Variants in MDGA2 observed in about 807,000 individuals in gnomAD.
MDGA2 encodes the protein MAM domain containing glycosylphosphatidylinositol anchor 2.
Under a neutral mutation model 117.8 loss-of-function variants are expected in MDGA2, and 40 were observed. The ratio of observed to expected loss-of-function variants is 0.34; its 90% CI spans 0.26 to 0.44. The LOEUF is 0.44. MDGA2 is among the 20% of genes least tolerant of loss of function. The pLI, the probability that MDGA2 is intolerant of heterozygous loss-of-function variation, is 1.00. For synonymous variants in MDGA2, 452 were observed against 439.0 expected, an observed-to-expected ratio of 1.03 and a Z score of -0.37; for missense variants, 1,123 against 1,250.6, an observed-to-expected ratio of 0.90 and a Z score of 1.54.
At chr14:47,566,080 G>C (rs1464859063) in intron 1 of MDGA2, among the ~76,000 whole-genome samples, 1 of 152,216 alleles carries the variant, frequency 6.6e-6, no homozygotes, top group Non-Finnish European at 1.5e-5. Flanking sequence ...GGAGAGGCAA[G>C]GTTTGCCTGC....
intron 3 of MDGA2, among the ~76,000 whole-genome samples, chr14:47,165,121 G>C (rs1883814384): frequency 6.6e-6 from 1 of 152,110 alleles, no homozygotes; most frequent in Admixed American, 6.5e-5. Flanking sequence ...GCAGGGGGTA[G>C]GGATAGCATT....
intron 3 of MDGA2, 58 bp downstream of exon 3, chr14:47,217,963 G>C (rs544120233): frequency 3.5e-5 from 48 of 1,356,120 alleles, no homozygotes; most frequent in Non-Finnish European, 4.4e-5. Flanking sequence ...CCATAGACTT[G>C]TAAGACAAAA....
chr14:47,124,743 A>C (rs1267886405), intron 5 of MDGA2, among the ~76,000 whole-genome samples: 1 of 152,064 alleles, frequency 6.6e-6, no homozygotes, highest in Admixed American at 6.6e-5. Flanking sequence ...TGTTTGGGAC[A>C]CTAGAGGAAG....
intron 3 of MDGA2, among the ~76,000 whole-genome samples, chr14:47,204,723 T>A (rs550822288): frequency 4.5e-4 from 68 of 152,106 alleles, no homozygotes; most frequent in African/African-American, 1.5e-3. Context: ...TTATTCACTA[T>A]GTTATTAATA....
At chr14:46,900,772 A>T (rs1345214244) in intron 10 of MDGA2, among the ~76,000 whole-genome samples, 1 of 152,158 alleles carries the variant, frequency 6.6e-6, no homozygotes, top group Non-Finnish European at 1.5e-5. Context: ...CATTATGGTT[A>T]CACAAAGCTA....
intron 2 of MDGA2, among the ~76,000 whole-genome samples, chr14:47,267,164 A>G (rs755070593): frequency 1.3e-5 from 2 of 152,146 alleles, no homozygotes; most frequent in African/African-American, 4.8e-5. Context: ...GGAAAAGGGA[A>G]ATGACACAGT....
rs71448198 is a variant in MDGA2, at chr14:47,359,748, C to CAAAAA, written c.281-58203_281-58199dup. Among the ~76,000 whole-genome samples the CAAAAA allele has an allele frequency of 1.9e-4, 21 of 110,470 alleles. 1 individual carries two copies. The highest frequency in any genetic ancestry group is 6.3e-4 in the South Asian group (2 of 3,186). 72.5% of individuals were successfully genotyped at this position (110,470 alleles called of 152,430 possible). A position where few individuals can be genotyped will look rare whatever the true frequency, so the allele number is the denominator to read the frequency against. On this transcript the variant is annotated intron_variant, in intron 1 of 16. Coordinates refer to ENST00000399232, the MANE Select transcript of MDGA2 (RefSeq NM_001113498.3). ...CCTGGACTGCAGAGCAAGACTGTCT[C>CAAAAA]AAAAAAAAAAAAAAAAAAGAAAAGA... is the stretch of plus-strand genomic sequence containing the variant.
At chr14:47,501,677 T>C (rs959920981) in intron 1 of MDGA2, among the ~76,000 whole-genome samples, 5 of 152,138 alleles carry the variant, frequency 3.3e-5, no homozygotes, top group African/African-American at 1.2e-4. Context: ...AAGGGAAAGA[T>C]CTGGATACAA....
intron 1 of MDGA2, among the ~76,000 whole-genome samples, chr14:47,447,146 T>G (rs551265767): frequency 6.6e-6 from 1 of 152,288 alleles, no homozygotes; most frequent in Admixed American, 6.5e-5. Context: ...ATGCTAAATA[T>G]CACCATTTTA....
chr14:47,061,651 C>T, intron 6 of MDGA2, 73 bp from the exon 7 acceptor site: 1 of 1,182,454 alleles, frequency 8.5e-7, no homozygotes, highest in Non-Finnish European at 1.2e-6. Context: ...TGTAGATAAT[C>T]ATCTCTGAGC....
At chr14:47,092,725 T>A (rs1031176720) in intron 6 of MDGA2, among the ~76,000 whole-genome samples, 1 of 152,044 alleles carries the variant, frequency 6.6e-6, no homozygotes, top group Non-Finnish European at 1.5e-5. Flanking sequence ...GCTCTCATAG[T>A]CTATTGGTAA....
At chr14:47,649,685 AAAAAC>A (rs56177749) in intron 1 of MDGA2, among the ~76,000 whole-genome samples, 77,163 of 150,192 alleles carry the variant, frequency 0.51, 20,346 homozygotes, top group East Asian at 0.65. Flanking sequence ...GCTTCATCTC[AAAAAC>A]AAAACAAAAC....
intron 3 of MDGA2, among the ~76,000 whole-genome samples, chr14:47,158,418 T>G (rs1251202439): frequency 6.6e-6 from 1 of 151,588 alleles, no homozygotes; most frequent in Non-Finnish European, 1.5e-5. Context: ...GCATATAATG[T>G]ATACAGATTT....
chr14:47,593,712 AC>A (rs1165078100), intron 1 of MDGA2, among the ~76,000 whole-genome samples: 1 of 151,910 alleles, frequency 6.6e-6, no homozygotes, highest in African/African-American at 2.4e-5. Flanking sequence ...AACAACACAC[AC>A]TAGGGCCTGT....
At chr14:47,654,406 C>T (rs1461889876) in intron 1 of MDGA2, among the ~76,000 whole-genome samples, 1 of 151,950 alleles carries the variant, frequency 6.6e-6, no homozygotes, top group Admixed American at 6.6e-5. Context: ...AATGTAAGTC[C>T]CACCCAGGAT....
At chr14:46,888,431 A>T (rs890614171) in intron 10 of MDGA2, among the ~76,000 whole-genome samples, 2 of 151,854 alleles carry the variant, frequency 1.3e-5, no homozygotes, top group Non-Finnish European at 2.9e-5. Flanking sequence ...AATCCATTTA[A>T]TTTTTTCTTT....
intron 1 of MDGA2, among the ~76,000 whole-genome samples, chr14:47,609,465 A>ACATATATATATATATATATACATATAT: frequency 9.3e-6 from 1 of 107,388 alleles, no homozygotes; most frequent in Non-Finnish European, 1.9e-5. Flanking sequence ...ATATATATAT[A>ACATATATATATATATATATACATATAT]AGTTTCTTTA....
intron 3 of MDGA2, among the ~76,000 whole-genome samples, chr14:47,146,536 T>C (rs565274079): frequency 2.6e-5 from 4 of 152,318 alleles, no homozygotes; most frequent in African/African-American, 7.2e-5. Flanking sequence ...ATTAATTTGG[T>C]GATTAGCCTT....
At chr14:47,170,238 T>C (rs1030636243) in intron 3 of MDGA2, among the ~76,000 whole-genome samples, 2 of 152,136 alleles carry the variant, frequency 1.3e-5, no homozygotes, top group Non-Finnish European at 2.9e-5. Flanking sequence ...CAACTCTCAG[T>C]TAACCAGAGG....
Sources: allele counts gnomAD v4.1 joint callset (sites outside exome capture counted in the v4.1 genomes callset), GRCh38; gene constraint gnomAD v4.1.1; transcripts MANE v1.5; gene names NCBI Gene and HGNC (gene_info 2026-07-23, HGNC 2026-07-21).